Variants in CSMD1 observed in about 807,000 individuals in gnomAD.
CSMD1 encodes the protein CUB and sushi domain-containing protein 1.
Under a neutral mutation model 417.5 loss-of-function variants are expected in CSMD1, and 213 were observed. That is an observed-to-expected ratio of 0.51 (90% confidence interval 0.46 to 0.57). The LOEUF is 0.57. Ranked by LOEUF, CSMD1 falls within the 20% of genes least tolerant of loss-of-function variation. The probability of loss-of-function intolerance (pLI) is 0.00; values close to 1 mark genes in which losing one functional copy is unlikely to be tolerated. For missense variants in CSMD1, 6,923 were observed against 4,529.7 expected, an observed-to-expected ratio of 1.53 and a Z score of -15.17; for synonymous variants, 2,862 against 1,736.8, an observed-to-expected ratio of 1.65 and a Z score of -16.11.
chr8:4,361,424 C>T (rs764589090), intron 3 of CSMD1, among the ~76,000 whole-genome samples: 1 of 152,118 alleles, frequency 6.6e-6, no homozygotes, highest in Non-Finnish European at 1.5e-5. Context: ...TCTAAGTAAT[C>T]TGAAAAACTA....
At chr8:3,492,035 G>T (rs1328224016) in intron 11 of CSMD1, among the ~76,000 whole-genome samples, 1 of 152,156 alleles carries the variant, frequency 6.6e-6, no homozygotes, top group South Asian at 2.1e-4. Flanking sequence ...GAAGGGATGA[G>T]GAAAAGGATT....
intron 3 of CSMD1, among the ~76,000 whole-genome samples, chr8:4,146,285 C>A (rs570743663): frequency 1.8e-4 from 27 of 151,030 alleles, no homozygotes; most frequent in Non-Finnish European, 4.4e-5. Context: ...GTAGTGCAGT[C>A]GGCACAGTGC....
In CSMD1 at chr8:4,454,158, G is replaced by A. The variant is rs117805288; in HGVS notation, c.303-34093C>T. Among the ~76,000 whole-genome samples the A allele has an allele frequency of 4.5e-3, 679 of 152,044 alleles. 1 individual carries two copies. Among genetic ancestry groups the A allele is most frequent in the Non-Finnish European group, 6.8e-3 (465 of 67,956 alleles). ...CTTGATTCCTCCTACTCTGTGAGCA[G>A]ATTCAGCCTATTATCAGTTCCTACC... On this transcript the variant is annotated intron_variant, in intron 2 of 69. Transcript: ENST00000635120.
intron 18 of CSMD1, among the ~76,000 whole-genome samples, chr8:3,382,083 C>T (rs780272089): frequency 2.6e-5 from 4 of 151,964 alleles, no homozygotes; most frequent in African/African-American, 9.7e-5. Flanking sequence ...CATGGCAAAA[C>T]CCTGTCTCTA....
chr8:4,580,539 A>T (rs1263469321), intron 2 of CSMD1, among the ~76,000 whole-genome samples: 1 of 152,158 alleles, frequency 6.6e-6, no homozygotes, highest in Non-Finnish European at 1.5e-5. Flanking sequence ...TCCCAGCTTG[A>T]GTTGTTCCCC....
At chr8:4,563,181 C>G (rs1446461826) in intron 2 of CSMD1, among the ~76,000 whole-genome samples, 1 of 152,140 alleles carries the variant, frequency 6.6e-6, no homozygotes, top group Non-Finnish European at 1.5e-5. Flanking sequence ...GCAGGCGGAT[C>G]ACGAGGTCAG....
chr8:3,937,502 T>C (rs149955736), intron 5 of CSMD1, among the ~76,000 whole-genome samples: 10 of 152,248 alleles, frequency 6.6e-5, no homozygotes, highest in African/African-American at 2.2e-4. Context: ...TGATGAGTCA[T>C]TGAAGGTTTA....
At chr8:3,061,167 G>C (rs1812565877) in intron 49 of CSMD1, among the ~76,000 whole-genome samples, 1 of 152,144 alleles carries the variant, frequency 6.6e-6, no homozygotes, top group South Asian at 2.1e-4. Context: ...TGTATATAAA[G>C]TATCCAAACC....
chr8:4,413,908 G>T (rs973662409), intron 3 of CSMD1, among the ~76,000 whole-genome samples: 9 of 152,158 alleles, frequency 5.9e-5, no homozygotes, highest in African/African-American at 2.2e-4. Flanking sequence ...TACCTAATTA[G>T]CCCAGAGGAA....
intron 22 of CSMD1, among the ~76,000 whole-genome samples, chr8:3,345,124 G>A (rs1170322573): frequency 3.3e-5 from 5 of 152,124 alleles, no homozygotes; most frequent in African/African-American, 7.2e-5. Context: ...GGGGAAATAC[G>A]AAAGAACTAG....
chr8:4,898,169 A>T (rs892936896), intron 1 of CSMD1, among the ~76,000 whole-genome samples: 1 of 152,118 alleles, frequency 6.6e-6, no homozygotes, highest in Non-Finnish European at 1.5e-5. Flanking sequence ...TATTTGAGGG[A>T]GGAATGCCCA....
At chr8:4,850,608 C>A (rs774765315) in intron 1 of CSMD1, among the ~76,000 whole-genome samples, 2 of 151,998 alleles carry the variant, frequency 1.3e-5, no homozygotes, top group Non-Finnish European at 2.9e-5. Context: ...TTCCTCATCA[C>A]TTAGTCTCTT....
chr8:4,751,171 G>C (rs936504990), intron 1 of CSMD1, among the ~76,000 whole-genome samples: 4 of 152,188 alleles, frequency 2.6e-5, no homozygotes, highest in African/African-American at 7.2e-5. Flanking sequence ...GATCACCTGA[G>C]GTAAGGAATT....
At chr8:4,966,528 A>G (rs1809869405) in intron 1 of CSMD1, among the ~76,000 whole-genome samples, 1 of 152,196 alleles carries the variant, frequency 6.6e-6, no homozygotes, top group African/African-American at 2.4e-5. Flanking sequence ...TCTGAAACCC[A>G]ACTGTCACTG....
At chr8:4,119,387 C>T (rs558506556) in intron 3 of CSMD1, among the ~76,000 whole-genome samples, 1 of 152,200 alleles carries the variant, frequency 6.6e-6, no homozygotes, top group African/African-American at 2.4e-5. Flanking sequence ...TGATCTACTA[C>T]TGATTTTACT....
chr8:3,639,200 G>A (rs763832516), intron 7 of CSMD1, among the ~76,000 whole-genome samples: 1 of 152,194 alleles, frequency 6.6e-6, no homozygotes, highest in Non-Finnish European at 1.5e-5. Context: ...AGAAAGTAAA[G>A]ACACAGGCCT....
At chr8:3,633,195 C>G (rs1209396670) in intron 7 of CSMD1, among the ~76,000 whole-genome samples, 1 of 152,304 alleles carries the variant, frequency 6.6e-6, no homozygotes, top group African/African-American at 2.4e-5. Flanking sequence ...CCTTTTCTCA[C>G]AGAACTCAAA....
At chr8:4,229,479 C>T (rs1006005493) in intron 3 of CSMD1, among the ~76,000 whole-genome samples, 4 of 152,192 alleles carry the variant, frequency 2.6e-5, no homozygotes, top group African/African-American at 9.7e-5. Context: ...CAAGCACTTA[C>T]CAAAGAAAGA....
At chr8:4,679,157 A>T (rs1805879108) in intron 1 of CSMD1, among the ~76,000 whole-genome samples, 1 of 152,174 alleles carries the variant, frequency 6.6e-6, no homozygotes, top group Non-Finnish European at 1.5e-5. Flanking sequence ...GGCCAAGATC[A>T]ACCACAACGC....
Sources: gnomAD v4.1 joint callset for allele counts (sites outside exome capture counted in the v4.1 genomes callset) on GRCh38, gnomAD v4.1.1 for gene constraint, MANE v1.5 for transcripts, NCBI Gene and HGNC (gene_info 2026-07-23, HGNC 2026-07-21) for gene names.